The following GIPC2 variants were observed in gnomAD, a reference collection of about 807,000 sequenced individuals.
GIPC2 encodes the protein GIPC PDZ domain containing family member 2, also known as PDZ domain-containing protein GIPC2.
GIPC2 carries 30 observed loss-of-function variants against 30.6 expected under a neutral mutation model. The observed-to-expected ratio is 0.98, with a 90% CI of 0.73 to 1.33. GIPC2 has a LOEUF of 1.33. Ranked by LOEUF, GIPC2 falls within the 40% of genes most tolerant of loss-of-function variation. GIPC2 has a pLI of 0.00. For synonymous variants in GIPC2, 167 were observed against 150.0 expected (o/e 1.11, Z -0.83); for missense variants, 414 against 390.3 (o/e 1.06, Z -0.51).
rs72687149 is a variant in GIPC2 at position 78,138,329 on chromosome 1, T to C, written c.*2586T>C. ...TAATCAGGTAACCTCTATTTGGAGCTGCTACATCCAATATTGTGACTGAAA... is the reference window on the plus strand; with the variant it reads ...TAATCAGGTAACCTCTATTTGGAGCCGCTACATCCAATATTGTGACTGAAA... On this transcript the variant is annotated 3_prime_UTR_variant, in exon 6 of 6. Coordinates refer to ENST00000370759, the MANE Select transcript of GIPC2 (RefSeq NM_017655.6). 6.6e-6 allele frequency: 1 copy of C among 152,248 alleles called. No individual in the cohort carries two copies. 9.4% of individuals were successfully genotyped at this position (152,248 alleles called of 1,614,324 possible).
intron 3 of GIPC2, chr1:78,112,562 G>C (rs1029410463): frequency 1.5e-5 from 8 of 518,854 alleles, no homozygotes; most frequent in African/African-American, 1.5e-4. Context: ...CATGGGACCA[G>C]AACAAGGCCT....
At chr1:78,119,357 G>T (rs781196788) in intron 3 of GIPC2, 36 bp from the exon 4 acceptor site, 1 of 1,114,258 alleles carries the variant, frequency 9.0e-7, no homozygotes, top group Non-Finnish European at 1.4e-6. Flanking sequence ...GATGCTTTCT[G>T]TGTATATGTA....
At chr1:78,065,576 A>G (rs949842381) in intron 1 of GIPC2, among the ~76,000 whole-genome samples, 3 of 152,212 alleles carry the variant, frequency 2.0e-5, no homozygotes, top group African/African-American at 7.2e-5. Flanking sequence ...AAGACAAAAG[A>G]GCCTGAATAG....
intron 1 of GIPC2, among the ~76,000 whole-genome samples, chr1:78,075,413 A>G (rs1371112758): frequency 6.6e-6 from 1 of 152,232 alleles, no homozygotes; most frequent in Non-Finnish European, 1.5e-5. Context: ...CCATGATCAC[A>G]CTACTGTGTT....
chr1:78,114,208 A>C (rs1341702978), intron 3 of GIPC2, among the ~76,000 whole-genome samples: 1 of 152,156 alleles, frequency 6.6e-6, no homozygotes, highest in Admixed American at 6.5e-5. Flanking sequence ...CTGCAGGTGC[A>C]GGCTGGTTAC....
At position 78,046,057 on chromosome 1, in the gene GIPC2, C is replaced by T. The variant is rs1377903100; in HGVS notation, c.-38C>T. On this transcript the variant is annotated 5_prime_UTR_variant, in exon 1 of 6. The change creates a new upstream start codon in the 5' untranslated region. Coordinates refer to ENST00000370759, the MANE Select transcript of GIPC2 (RefSeq NM_017655.6). Reference sequence around the variant, plus strand: ...GGCGCCGGGGGGAGGAGGCGGCGGACGGCAGCGCAGGTGGGCCCGCGCTCT... The same window carrying T: ...GGCGCCGGGGGGAGGAGGCGGCGGATGGCAGCGCAGGTGGGCCCGCGCTCT... 1 of 1,402,194 alleles carries T rather than the reference C, an allele frequency of 7.1e-7. No homozygotes were observed. Among genetic ancestry groups the T allele is most frequent in the African/African-American group, 1.5e-5 (1 of 65,246 alleles). The allele number at this position is 1,402,194 out of a possible 1,614,324, so 86.9% of individuals were successfully genotyped here.
Position 78,097,226 on chromosome 1 carries a change from T to C in GIPC2, c.607+2094T>C, listed in dbSNP as rs58318366. 7.2e-5 allele frequency among the ~76,000 whole-genome samples: 11 copies of C among 152,290 alleles called. No individual in the cohort carries two copies. The East Asian group carries it at 1.9e-3, about 27-fold the overall frequency. ...TCTTTTTTTCCTGTATTTTCTGGCA[T>C]TATTATTGACTCAGGGCCAAGAATT... On this transcript the variant is annotated intron_variant, in intron 3 of 5. Transcript: ENST00000370759.
chr1:78,066,800 C>T (rs1401408105), intron 1 of GIPC2, among the ~76,000 whole-genome samples: 3 of 152,048 alleles, frequency 2.0e-5, no homozygotes, highest in Admixed American at 6.6e-5. Context: ...CCACATACTG[C>T]GTATTAGCAC....
Position 78,125,908 on chromosome 1 carries a change from G to T in GIPC2, c.742G>T (p.Glu248Ter). The T allele has an allele frequency of 6.3e-7, 1 of 1,587,078 alleles. No homozygotes were observed. The highest frequency in any genetic ancestry group is 1.1e-5 in the South Asian group (1 of 90,494). ...MPSETKAKAI[E>*]KIDDVLELYM... ...TTCTGAAACCAAAGCAAAGGCAATTGAAAAGATTGATGATGTTCTTGAGTT... is the reference window on the plus strand; with the variant it reads ...TTCTGAAACCAAAGCAAAGGCAATTTAAAAGATTGATGATGTTCTTGAGTT... Residue 248 changes from glutamate (E) to a stop codon, truncating the protein, a stop_gained, in exon 5 of 6, where the codon GAA (glutamate) becomes TAA (stop). Coordinates refer to ENST00000370759, the MANE Select transcript of GIPC2 (RefSeq NM_017655.6). LOFTEE classifies it high-confidence loss of function.
intron 3 of GIPC2, among the ~76,000 whole-genome samples, chr1:78,117,497 A>T (rs1262056762): frequency 6.6e-6 from 1 of 152,214 alleles, no homozygotes; most frequent in East Asian, 1.9e-4. Flanking sequence ...TTCATAAGGA[A>T]TGTACAACCT....
At chr1:78,056,049 C>G (rs1661289248) in intron 1 of GIPC2, among the ~76,000 whole-genome samples, 1 of 152,208 alleles carries the variant, frequency 6.6e-6, no homozygotes. Context: ...TCCCCACTAC[C>G]TCAGGACTGG....
chr1:78,125,889 A>C lies in GIPC2; in HGVS notation c.723A>C (p.Glu241Asp). 6.4e-7 allele frequency: 1 copy of C among 1,568,584 alleles called. No homozygotes were observed. The highest frequency in any genetic ancestry group is 1.1e-5 in the South Asian group (1 of 90,078). The change falls in exon 5 of 6, where the codon GAA (glutamate) becomes GAC (aspartate). Residue 241 changes from glutamate to aspartate, a missense_variant. Transcript: ENST00000370759. Reference protein sequence around the residue: ...GPATVEEMPSETKAKAIEKID... With the variant: ...GPATVEEMPSDTKAKAIEKID... ...TCTCTTTTTTGATAAAGCCTTCTGA[A>C]ACCAAAGCAAAGGCAATTGAAAAGA...
chr1:78,127,382 A>G (rs1476918386), intron 5 of GIPC2, among the ~76,000 whole-genome samples: 2 of 152,372 alleles, frequency 1.3e-5, no homozygotes, highest in African/African-American at 2.4e-5. Flanking sequence ...AATCAGAAAC[A>G]TAACAAAAAG....
chr1:78,071,055 CT>C (rs1661608620), intron 1 of GIPC2, among the ~76,000 whole-genome samples: 1 of 152,094 alleles, frequency 6.6e-6, no homozygotes, highest in South Asian at 2.1e-4. Context: ...AATTTTATGT[CT>C]TTTCCAGCCT....
At chr1:78,122,912 C>T (rs1571525695) in intron 4 of GIPC2, among the ~76,000 whole-genome samples, 1 of 152,070 alleles carries the variant, frequency 6.6e-6, no homozygotes, top group East Asian at 1.9e-4. Flanking sequence ...GTGCAGGATA[C>T]ACAGTGTCAC....
At chr1:78,092,424 G>A (rs190690367) in intron 2 of GIPC2, among the ~76,000 whole-genome samples, 1 of 152,266 alleles carries the variant, frequency 6.6e-6, no homozygotes, top group African/African-American at 2.4e-5. Flanking sequence ...TCAAAGACAG[G>A]TGAAAGTTCC....
intron 2 of GIPC2, 32 bp downstream of exon 2, chr1:78,080,892 T>G: frequency 1.5e-6 from 2 of 1,299,406 alleles, no homozygotes; most frequent in Non-Finnish European, 2.1e-6. Flanking sequence ...TGTAACCTAA[T>G]TGAGGATAAC....
chr1:78,117,170 T>A (rs909865263), intron 3 of GIPC2, among the ~76,000 whole-genome samples: 1 of 152,206 alleles, frequency 6.6e-6, no homozygotes, highest in African/African-American at 2.4e-5. Context: ...CATGAAAAAG[T>A]GGGCAAAGGA....
chr1:78,062,863 TAATTCTTGCTAGAACCACCAGAA>T (rs1474795188), intron 1 of GIPC2, among the ~76,000 whole-genome samples: 8 of 152,152 alleles, frequency 5.3e-5, no homozygotes, highest in Admixed American at 4.6e-4. Context: ...ACGGAAATGG[TAATTCTTGCTAGAACCACCAGAA>T]ATTATTACAA....
Sources: gnomAD v4.1 joint callset for allele counts (sites outside exome capture counted in the v4.1 genomes callset) on GRCh38, gnomAD v4.1.1 for gene constraint, MANE v1.5 for transcripts, NCBI Gene and HGNC (gene_info 2026-07-23, HGNC 2026-07-21) for gene names.